PRKCE: variants seen among roughly 807,000 people sequenced by gnomAD.
The protein encoded by PRKCE is protein kinase C epsilon type.
In PRKCE, 16 loss-of-function variants were observed where a neutral mutation model predicts 85.4. The ratio of observed to expected loss-of-function variants is 0.19; its 90% CI spans 0.13 to 0.28. The LOEUF is 0.28. Ranked by LOEUF, PRKCE falls within the 10% of genes least tolerant of loss-of-function variation. The pLI, the probability that PRKCE is intolerant of heterozygous loss-of-function variation, is 1.00. For missense variants in PRKCE, 573 were observed against 975.2 expected (o/e 0.59, Z 5.49); for synonymous variants, 388 against 371.5 (o/e 1.04, Z -0.51).
At chr2:45,846,523 A>G (rs1242323497) in intron 2 of PRKCE, among the ~76,000 whole-genome samples, 1 of 152,212 alleles carries the variant, frequency 6.6e-6, no homozygotes, top group African/African-American at 2.4e-5. Context: ...ATACAAAGGA[A>G]TAGGAATGAT....
At chr2:46,118,619 A>G (rs1319236372) in intron 11 of PRKCE, among the ~76,000 whole-genome samples, 1 of 152,208 alleles carries the variant, frequency 6.6e-6, no homozygotes, top group Non-Finnish European at 1.5e-5. Flanking sequence ...TGGCTTCAAT[A>G]AGGAGGCTCC....
intron 10 of PRKCE, among the ~76,000 whole-genome samples, chr2:46,070,130 T>C (rs772229580): frequency 9.8e-5 from 15 of 152,322 alleles, no homozygotes; most frequent in Admixed American, 2.6e-4. Context: ...AGACATGACA[T>C]TGTATTCACC....
intron 1 of PRKCE, among the ~76,000 whole-genome samples, chr2:45,704,637 C>T (rs113726344): frequency 1.8e-3 from 278 of 152,290 alleles, no homozygotes; most frequent in African/African-American, 5.9e-3. Flanking sequence ...AAGTGAGCAT[C>T]GCCACGCCAG....
At chr2:45,739,770 G>A (rs1682396671) in intron 1 of PRKCE, among the ~76,000 whole-genome samples, 1 of 152,070 alleles carries the variant, frequency 6.6e-6, no homozygotes, top group Admixed American at 6.6e-5. Context: ...GATGGTGGTG[G>A]TGGTTACAAG....
chr2:46,174,493 C>T (rs533597060), intron 14 of PRKCE, among the ~76,000 whole-genome samples: 56 of 152,214 alleles, frequency 3.7e-4, no homozygotes, highest in Admixed American at 1.2e-3. Flanking sequence ...TGGGGCATTT[C>T]GTGGCAACTC....
At chr2:46,096,899 G>A (rs886846927) in intron 11 of PRKCE, among the ~76,000 whole-genome samples, 15 of 152,108 alleles carry the variant, frequency 9.9e-5, no homozygotes, top group Non-Finnish European at 2.1e-4. Context: ...CAAGGCCTGC[G>A]GACTTGGCAT....
chr2:45,968,063 CATGTTGGCAAGTCTGGCCCAGGCA>C (rs1701849064), intron 2 of PRKCE, among the ~76,000 whole-genome samples: 1 of 152,178 alleles, frequency 6.6e-6, no homozygotes, highest in African/African-American at 2.4e-5. Context: ...CAAGATCATG[CATGTTGGCAAGTCTGGCCCAGGCA>C]AGGTTGACCC....
chr2:46,004,898 T>C lies in PRKCE; in HGVS notation c.1063+260T>C, dbSNP rs1392131050. Among the ~76,000 whole-genome samples the C allele has an allele frequency of 6.6e-6, 1 of 152,102 alleles. No homozygotes were observed. ...AGAGGAGAGCGAGTGTATGATGTTATGGTTATCTGTTTTCCCTTGCCTCTG... is the reference window on the plus strand; with the variant it reads ...AGAGGAGAGCGAGTGTATGATGTTACGGTTATCTGTTTTCCCTTGCCTCTG... On this transcript the variant is annotated intron_variant, in intron 8 of 14. Coordinates refer to ENST00000306156, the MANE Select transcript of PRKCE (RefSeq NM_005400.3). This position sits in a 1 kb window ranked among gnomAD's most constrained non-coding sequence, Gnocchi z 4.1.
chr2:45,884,831 C>A (rs116102342), intron 2 of PRKCE, among the ~76,000 whole-genome samples: 1,827 of 151,642 alleles, frequency 0.012, 27 homozygotes, highest in Non-Finnish European at 0.017. Flanking sequence ...CAGTTCTATT[C>A]CCCAGAGGTG....
At chr2:46,169,049 A>G (rs1390735213) in intron 14 of PRKCE, among the ~76,000 whole-genome samples, 2 of 152,220 alleles carry the variant, frequency 1.3e-5, no homozygotes, top group East Asian at 3.9e-4. Flanking sequence ...CCCTCCAGCC[A>G]GAATTTGTTC....
rs777533160 is a variant in PRKCE at position 45,652,739 on chromosome 2, T to C, written c.348+291T>C. 2.0e-5 allele frequency among the ~76,000 whole-genome samples: 3 copies of C among 152,212 alleles called. No homozygotes were observed. Among genetic ancestry groups the C allele is most frequent in the Admixed American group, 6.5e-5 (1 of 15,278 alleles). ...CTGGGAGAGCCTGGGCCACTGGTGC[T>C]GAAGGTTGGCCGAGGACCCGGCTTT... On this transcript the variant is annotated intron_variant, in intron 1 of 14. Transcript: ENST00000306156. The surrounding 1 kb of genome is among the most constrained non-coding windows in gnomAD (Gnocchi z 7.7).
At chr2:45,772,188 C>T (rs1381999712) in intron 1 of PRKCE, among the ~76,000 whole-genome samples, 2 of 151,762 alleles carry the variant, frequency 1.3e-5, no homozygotes, top group South Asian at 4.2e-4. Context: ...CTTCATAAAG[C>T]TGGATAGCAG....
intron 1 of PRKCE, among the ~76,000 whole-genome samples, chr2:45,664,308 C>T (rs749575192): frequency 6.6e-6 from 1 of 152,174 alleles, no homozygotes; most frequent in Non-Finnish European, 1.5e-5. Flanking sequence ...GTTTTGGCTG[C>T]ATATTGGACA....
At chr2:45,981,939 T>A (rs145980792) in intron 5 of PRKCE, among the ~76,000 whole-genome samples, 319 of 152,114 alleles carry the variant, frequency 2.1e-3, no homozygotes, top group African/African-American at 7.0e-3. Flanking sequence ...GGTTAAAGGG[T>A]TGAGATTTGA....
chr2:46,122,390 C>G (rs1372078920), intron 11 of PRKCE, among the ~76,000 whole-genome samples: 1 of 151,998 alleles, frequency 6.6e-6, no homozygotes, highest in African/African-American at 2.4e-5. Context: ...GCCACTATGC[C>G]CAGCTAATTT....
intron 10 of PRKCE, among the ~76,000 whole-genome samples, chr2:46,012,585 C>G (rs1251043959): frequency 1.3e-5 from 2 of 152,130 alleles, no homozygotes; most frequent in African/African-American, 4.8e-5. Flanking sequence ...GCTTTCCAGG[C>G]AGGGAGCCAC....
chr2:45,970,597 A>T (rs541089849), intron 2 of PRKCE, among the ~76,000 whole-genome samples: 1 of 152,114 alleles, frequency 6.6e-6, no homozygotes, highest in Non-Finnish European at 1.5e-5. Context: ...AGATATGGCA[A>T]CCCCATGAGC....
At chr2:45,857,012 G>T (rs1287835384) in intron 2 of PRKCE, among the ~76,000 whole-genome samples, 2 of 152,190 alleles carry the variant, frequency 1.3e-5, no homozygotes, top group Non-Finnish European at 2.9e-5. Flanking sequence ...TGCAGTAAAT[G>T]TGAGTGTGCA....
At chr2:45,703,548 A>AT (rs397871627) in intron 1 of PRKCE, among the ~76,000 whole-genome samples, 1 of 151,718 alleles carries the variant, frequency 6.6e-6, no homozygotes, top group Non-Finnish European at 1.5e-5. Context: ...TAAAAAAAAA[A>AT]GAATAAAGAA....
Sources: allele counts gnomAD v4.1 joint callset (sites outside exome capture counted in the v4.1 genomes callset), GRCh38; gene constraint gnomAD v4.1.1; non-coding constraint Gnocchi (gnomAD v3.1); transcripts MANE v1.5; gene names NCBI Gene and HGNC (gene_info 2026-07-23, HGNC 2026-07-21).